The following DBX2 variants were observed in gnomAD, a reference collection of about 807,000 sequenced individuals.
DBX2 encodes the protein homeobox protein DBX2.
A neutral mutation model predicts 17.7 loss-of-function variants in DBX2; 16 were observed. The ratio of observed to expected loss-of-function variants is 0.90; its 90% CI spans 0.61 to 1.37. The LOEUF is 1.37. Ranked by LOEUF, DBX2 falls within the 40% of genes most tolerant of loss-of-function variation. DBX2 has a pLI of 0.00. For missense variants in DBX2, 538 were observed against 433.8 expected, an observed-to-expected ratio of 1.24 and a Z score of -2.13; for synonymous variants, 255 against 183.8, an observed-to-expected ratio of 1.39 and a Z score of -3.13.
Position 45,036,083 on chromosome 12 carries a change from C to T in DBX2, c.435G>A (p.Pro145=), listed in dbSNP as rs933265525. 3.6e-5 allele frequency: 58 copies of T among 1,613,276 alleles called. No homozygotes were observed. The highest frequency in any genetic ancestry group is 1.6e-4 in the Middle Eastern group (1 of 6,082). ...CACCGCAGCACGCCGAGTAGAATGG[C>T]GGGGTGCTCAGAAGGAAAGGTTTGG... ...APSKPFLLST[P]PFYSACCGGS... Residue 145 remains proline, a synonymous_variant, in exon 2 of 4, where the codon CCG becomes CCA. Transcript: ENST00000332700.
rs1191960743 is a variant in DBX2, at chr12:45,016,430, C to T, written c.876G>A (p.Arg292=). 2 of 1,613,882 alleles carry T rather than the reference C, an allele frequency of 1.2e-6. No homozygotes were observed. Among genetic ancestry groups the T allele is most frequent in the African/African-American group, 2.7e-5 (2 of 74,882 alleles). ...TTTCTGAAGGTTCTGGAGAATTCTC[C>T]CTCCATCTTGGACTTGAGTGCTGTT... The part of the protein sequence containing the change: ...VPQQHSSPRW[R]ENSPEPSERL... The change falls in exon 4 of 4, where the codon AGG becomes AGA. Residue 292 remains arginine (R), a synonymous_variant. Coordinates refer to ENST00000332700, the MANE Select transcript of DBX2 (RefSeq NM_001004329.3).
At chr12:45,037,621 C>A (rs1252503699) in intron 1 of DBX2, among the ~76,000 whole-genome samples, 1 of 152,056 alleles carries the variant, frequency 6.6e-6, no homozygotes, top group East Asian at 1.9e-4. Context: ...AATATTGTTT[C>A]CATATGACTA....
At position 45,041,340 on chromosome 12, in the gene DBX2, C is replaced by A. The variant is rs1908462; in HGVS notation, c.404-5226G>T. Among the ~76,000 whole-genome samples the A allele has an allele frequency of 6.9e-3, 1,056 of 152,030 alleles. 23 individuals carry two copies. The highest frequency in any genetic ancestry group is 0.024 in the African/African-American group (981 of 41,512). ...GTCAAAAATCTAAACTTCTGACTTG[C>A]AAATAATACACAATTGAACCGACAG... On this transcript the variant is annotated intron_variant, in intron 1 of 3. Coordinates refer to ENST00000332700, the MANE Select transcript of DBX2 (RefSeq NM_001004329.3).
intron 3 of DBX2, among the ~76,000 whole-genome samples, chr12:45,020,490 A>G (rs1409539722): frequency 1.3e-5 from 2 of 152,054 alleles, no homozygotes; most frequent in Non-Finnish European, 2.9e-5. Flanking sequence ...AGAAGTTAGA[A>G]GTTAGGATAG....
At chr12:45,021,657 C>G (rs1946352723) in intron 3 of DBX2, among the ~76,000 whole-genome samples, 1 of 152,174 alleles carries the variant, frequency 6.6e-6, no homozygotes, top group Non-Finnish European at 1.5e-5. Context: ...CTGAGCTGCC[C>G]TCATGTCCTC....
chr12:45,050,863 A>T lies in DBX2; in HGVS notation c.65T>A (p.Leu22His), dbSNP rs973342499. The T allele has an allele frequency of 2.0e-6, 3 of 1,535,762 alleles. No individual in the cohort carries two copies. Among genetic ancestry groups the T allele is most frequent in the Non-Finnish European group, 2.6e-6 (3 of 1,144,216 alleles). Residue 22 changes from leucine (L) to histidine (H), a missense_variant, in exon 1 of 4, where the codon CTC becomes CAC. By Grantham distance (99) the Leu-to-His change is moderately conservative. Transcript: ENST00000332700. The part of the protein sequence containing the change: ...AYWDVVASSA[L>H]LNLPAAPGFG... ...GCCGGGCGCAGCGGGGAGGTTGAGG[A>T]GCGCGGAGGAAGCCACAACGTCCCA...
chr12:45,050,506 G>A lies in DBX2; in HGVS notation c.403+19C>T, dbSNP rs1409561177. On this transcript the variant is annotated intron_variant, in intron 1 of 3. Transcript: ENST00000332700. ...GGGGGCGCGGGCGCGGCTGGGGAGG[G>A]AGGGGAGAGCTGGCTCACCTGGCGC... 7.8e-6 allele frequency: 12 copies of A among 1,547,470 alleles called. No individual in the cohort carries two copies. The highest frequency in any genetic ancestry group is 4.8e-5 in the South Asian group (4 of 83,960).
intron 1 of DBX2, among the ~76,000 whole-genome samples, chr12:45,036,402 T>C (rs185735361): frequency 6.3e-4 from 96 of 152,272 alleles, no homozygotes; most frequent in Admixed American, 4.1e-3. Context: ...TATTCCTTTA[T>C]TTAAAATACC....
chr12:45,050,684 G>C lies in DBX2; in HGVS notation c.244C>G (p.Pro82Ala), dbSNP rs940187028. Residue 82 changes from proline (P) to alanine (A), a missense_variant, in exon 1 of 4, where the codon CCC becomes GCC. Physicochemically the swap from Pro to Ala is conservative, Grantham distance 27. Transcript: ENST00000332700. The stretch of plus-strand genomic sequence containing the variant: ...TCGGCTGCGGGGCACAGCTTTAGGG[G>C]AACTGGGCTAGCAGGCAGGGGCCGG... ...QLRPLPASPVPLKLCPAAEQV... is the reference protein window; with the variant it reads ...QLRPLPASPVALKLCPAAEQV... The C allele has an allele frequency of 1.9e-6, 3 of 1,541,960 alleles. No individual in the cohort carries two copies. The highest frequency in any genetic ancestry group is 2.6e-6 in the Non-Finnish European group (3 of 1,143,756).
chr12:45,020,690 T>TATATATAC lies in DBX2; in HGVS notation c.687+3016_687+3017insGTATATAT, dbSNP rs766753844. Among the ~76,000 whole-genome samples, 1,271 of 148,422 alleles carry TATATATAC rather than the reference T, an allele frequency of 8.6e-3. 20 individuals are homozygous for TATATATAC. Among genetic ancestry groups the TATATATAC allele is most frequent in the African/African-American group, 0.03 (1,235 of 40,510 alleles). On this transcript the variant is annotated intron_variant, in intron 3 of 3. Transcript: ENST00000332700. ...GTATATATATGTATATATATATATATACACACACACACACACAATTCTCAG... is the reference window on the plus strand; with the variant it reads ...GTATATATATGTATATATATATATATATATATACACACACACACACACACAATTCTCAG...
At chr12:45,049,507 G>A (rs140741682) in intron 1 of DBX2, among the ~76,000 whole-genome samples, 1,573 of 152,170 alleles carry the variant, frequency 0.01, 22 homozygotes, top group African/African-American at 0.036. Flanking sequence ...ACCAAGACAG[G>A]TTCTAAACAT....
Position 45,051,025 on chromosome 12 carries a change from C to T in DBX2, c.-98G>A, listed in dbSNP as rs934360078. 1 of 1,295,014 alleles carries T rather than the reference C, an allele frequency of 7.7e-7. No homozygotes were observed. Among genetic ancestry groups the T allele is most frequent in the African/African-American group, 1.6e-5 (1 of 64,000 alleles). 80.2% of individuals were successfully genotyped at this position (1,295,014 alleles called of 1,614,324 possible). A position where few individuals can be genotyped will look rare whatever the true frequency, so the allele number is the denominator to read the frequency against. ...CAGAGCCGCAGCTTCTCGCCGCCGC[C>T]TCCCGCAGGGCTGGAGCGCGCGGAG... On this transcript the variant is annotated 5_prime_UTR_variant, in exon 1 of 4. Transcript: ENST00000332700.
chr12:45,022,237 G>C (rs1290949155), intron 3 of DBX2, among the ~76,000 whole-genome samples: 1 of 151,506 alleles, frequency 6.6e-6, no homozygotes, highest in East Asian at 1.9e-4. Context: ...GACAAAGTTG[G>C]GGCAAGCAGC....
chr12:45,025,911 CCCAAGGAATAAAGTCTAT>C, intron 2 of DBX2, among the ~76,000 whole-genome samples: 1 of 150,928 alleles, frequency 6.6e-6, no homozygotes, highest in South Asian at 2.1e-4. Context: ...TGTCTGAAAG[CCCAAGGAATAAAGTCTAT>C]CCAAGGAAAA....
Position 45,050,845 on chromosome 12 carries a change from G to T in DBX2, c.83C>A (p.Ala28Glu), listed in dbSNP as rs867050687. 1.3e-6 allele frequency: 2 copies of T among 1,537,854 alleles called. No individual in the cohort carries two copies. Among genetic ancestry groups the T allele is most frequent in the African/African-American group, 1.4e-5 (1 of 70,406 alleles). Residue 28 changes from alanine to glutamate, a missense_variant, in exon 1 of 4, where the codon GCG becomes GAG. Physicochemically the swap from Ala to Glu is moderately radical, Grantham distance 107 (BLOSUM62 -1). Transcript: ENST00000332700. The part of the protein sequence containing the change: ...ASSALLNLPA[A>E]PGFGNLGKSF... ...CTTGCCCAGGTTGCCAAAGCCGGGC[G>T]CAGCGGGGAGGTTGAGGAGCGCGGA...
rs779653243 is a variant in DBX2 at position 45,050,508 on chromosome 12, G to A, written c.403+17C>T. 318 of 1,547,492 alleles carry A rather than the reference G, an allele frequency of 2.1e-4. 1 individual carries two copies. The highest frequency in any genetic ancestry group is 2.6e-4 in the Non-Finnish European group (303 of 1,146,726). On this transcript the variant is annotated intron_variant, in intron 1 of 3. Transcript: ENST00000332700. ...GGGCGCGGGCGCGGCTGGGGAGGGAGGGGAGAGCTGGCTCACCTGGCGCTG... is the reference window on the plus strand; with the variant it reads ...GGGCGCGGGCGCGGCTGGGGAGGGAAGGGAGAGCTGGCTCACCTGGCGCTG...
In DBX2 at chr12:45,016,280, T is replaced by C. The variant is rs77385942; in HGVS notation, c.*6A>G. ...CTTTTAAATGAACACGGAGGAATGC[T>C]TCCATTCAGACAGCCCCAGTAAGTA... On this transcript the variant is annotated 3_prime_UTR_variant, in exon 4 of 4. Coordinates refer to ENST00000332700, the MANE Select transcript of DBX2 (RefSeq NM_001004329.3). 39,113 of 1,546,032 alleles carry C rather than the reference T, an allele frequency of 0.025. 577 individuals are homozygous for C. The highest frequency in any genetic ancestry group is 0.03 in the Non-Finnish European group (34,067 of 1,150,504).
chr12:45,045,006 G>C (rs1316109018), intron 1 of DBX2, among the ~76,000 whole-genome samples: 3 of 152,082 alleles, frequency 2.0e-5, no homozygotes, highest in African/African-American at 7.2e-5. Context: ...TGGTAAGTAT[G>C]TTATATGTTA....
chr12:45,020,201 C>T (rs189315132), intron 3 of DBX2, among the ~76,000 whole-genome samples: 5 of 152,184 alleles, frequency 3.3e-5, no homozygotes, highest in East Asian at 3.9e-4. Context: ...ATTCTATTCC[C>T]TGTTTCCCCC....
Sources: allele counts gnomAD v4.1 joint callset (sites outside exome capture counted in the v4.1 genomes callset), GRCh38; gene constraint gnomAD v4.1.1; transcripts MANE v1.5; gene names NCBI Gene and HGNC (gene_info 2026-07-23, HGNC 2026-07-21).